Variants in FAM47E observed in about 807,000 individuals in gnomAD.
The protein encoded by FAM47E is protein FAM47E.
Under a neutral mutation model 41.6 loss-of-function variants are expected in FAM47E, and 32 were observed. That is an observed-to-expected ratio of 0.77 (90% CI 0.58 to 1.03). The LOEUF is 1.03. FAM47E is among the 50% of genes least tolerant of loss of function. The pLI is 0.00. For missense variants in FAM47E, 424 were observed against 485.4 expected, an observed-to-expected ratio of 0.87 and a Z score of 1.19; for synonymous variants, 184 against 188.7, an observed-to-expected ratio of 0.98 and a Z score of 0.20.
intron 2 of FAM47E, among the ~76,000 whole-genome samples, chr4:76,220,985 C>T (rs1733296425): frequency 6.6e-6 from 1 of 152,070 alleles, no homozygotes; most frequent in Non-Finnish European, 1.5e-5. Flanking sequence ...TCTTTATTTC[C>T]CCATGGGAAA....
intron 7 of FAM47E, chr4:76,281,459 G>A (rs1735341009): frequency 6.6e-6 from 1 of 151,102 alleles, no homozygotes; most frequent in Admixed American, 6.6e-5. Context: ...TATAAGGTTT[G>A]CATAACTATA....
intron 6 of FAM47E, 135 bp from the exon 7 acceptor site, chr4:76,280,129 C>G (rs1735284716): frequency 3.4e-6 from 2 of 591,868 alleles, no homozygotes. Flanking sequence ...GAACATTACA[C>G]ACATATTCAA....
chr4:76,276,070 C>CACACACACACACACACA (rs1452874811), intron 5 of FAM47E, among the ~76,000 whole-genome samples: 5 of 143,104 alleles, frequency 3.5e-5, no homozygotes, highest in Non-Finnish European at 4.6e-5. Flanking sequence ...ACACACACAC[C>CACACACACACACACACA]CCTCCCCTAC....
At chr4:76,242,283 T>C (rs976097820) in intron 2 of FAM47E, among the ~76,000 whole-genome samples, 1 of 152,126 alleles carries the variant, frequency 6.6e-6, no homozygotes, top group Non-Finnish European at 1.5e-5. Flanking sequence ...GTGAGTGAGT[T>C]CTCGCAAGTT....
chr4:76,271,899 T>C (rs1161487583), intron 5 of FAM47E, 131 bp downstream of exon 5: 1 of 1,039,998 alleles, frequency 9.6e-7, no homozygotes, highest in Non-Finnish European at 1.3e-6. Flanking sequence ...TTTTCATGAT[T>C]AATATTTGTT....
chr4:76,255,439 T>C (rs1309760711), intron 1 of FAM47E, among the ~76,000 whole-genome samples: 2 of 152,190 alleles, frequency 1.3e-5, no homozygotes, highest in Non-Finnish European at 2.9e-5. Context: ...ATGATTCTTA[T>C]TAAAACACAA....
At chr4:76,222,840 G>A (rs1484047518) in intron 2 of FAM47E, among the ~76,000 whole-genome samples, 6 of 152,198 alleles carry the variant, frequency 3.9e-5, no homozygotes, top group Non-Finnish European at 7.3e-5. Flanking sequence ...CTACCATGGA[G>A]GACTAGTAAG....
chr4:76,243,716 G>A (rs1733760347), intron 2 of FAM47E, among the ~76,000 whole-genome samples: 1 of 151,866 alleles, frequency 6.6e-6, no homozygotes, highest in South Asian at 2.1e-4. Context: ...ATGTTTTTTT[G>A]TTTTAAGTAT....
intron 2 of FAM47E, among the ~76,000 whole-genome samples, chr4:76,224,400 G>A (rs576878241): frequency 6.6e-6 from 1 of 152,252 alleles, no homozygotes; most frequent in East Asian, 1.9e-4. Flanking sequence ...GAGAGGAGGG[G>A]CTGTCTTTCT....
At chr4:76,234,811 A>G (rs1252557948) in intron 2 of FAM47E, among the ~76,000 whole-genome samples, 1 of 152,170 alleles carries the variant, frequency 6.6e-6, no homozygotes, top group Non-Finnish European at 1.5e-5. Flanking sequence ...TACTCAAGAC[A>G]CCCAGGTGGG....
chr4:76,269,075 G>T (rs546942108), intron 4 of FAM47E: 3 of 307,854 alleles, frequency 9.7e-6, no homozygotes, highest in Non-Finnish European at 1.2e-5. Context: ...TTATTGTTAG[G>T]ACTTTCTTTT....
At chr4:76,263,114 C>T (rs1166986169) in intron 2 of FAM47E, among the ~76,000 whole-genome samples, 1 of 151,972 alleles carries the variant, frequency 6.6e-6, no homozygotes, top group African/African-American at 2.4e-5. Context: ...GGTTGTACAT[C>T]ACTGTGTTTC....
chr4:76,264,223 G>A (rs771102159), intron 3 of FAM47E, among the ~76,000 whole-genome samples: 2 of 151,982 alleles, frequency 1.3e-5, no homozygotes, highest in Non-Finnish European at 2.9e-5. Flanking sequence ...ATCATCCTTT[G>A]TGCCCCAAGA....
At chr4:76,270,796 C>T (rs2110019192) in intron 4 of FAM47E, among the ~76,000 whole-genome samples, 1 of 152,246 alleles carries the variant, frequency 6.6e-6, no homozygotes, top group Middle Eastern at 3.4e-3. Flanking sequence ...ACAGCACTAG[C>T]TTGTGCTTTT....
At chr4:76,226,512 G>A (rs1195631823) in intron 2 of FAM47E, among the ~76,000 whole-genome samples, 1 of 152,192 alleles carries the variant, frequency 6.6e-6, no homozygotes. Flanking sequence ...GCCACAAGGG[G>A]TTTTATGCCC....
chr4:76,228,706 G>C (rs1283778971), intron 2 of FAM47E, among the ~76,000 whole-genome samples: 2 of 151,438 alleles, frequency 1.3e-5, no homozygotes, highest in Non-Finnish European at 3.0e-5. Flanking sequence ...TAGAGATTCT[G>C]TTGAGAAACC....
intron 2 of FAM47E, among the ~76,000 whole-genome samples, chr4:76,220,099 C>G (rs1228961516): frequency 6.6e-6 from 1 of 152,114 alleles, no homozygotes; most frequent in Non-Finnish European, 1.5e-5. Context: ...AGATGCAAAT[C>G]ACAGTTCTTT....
chr4:76,237,398 G>C (rs1293475601), intron 2 of FAM47E, among the ~76,000 whole-genome samples: 1 of 149,166 alleles, frequency 6.7e-6, no homozygotes, highest in Non-Finnish European at 1.5e-5. Context: ...GGTTTACAAG[G>C]TAAAAGTTGG....
upstream of FAM47E, among the ~76,000 whole-genome samples, chr4:76,249,404 T>G (rs979452100): frequency 1.3e-5 from 2 of 152,162 alleles, no homozygotes; most frequent in Non-Finnish European, 2.9e-5. Flanking sequence ...TTAAAAGGAT[T>G]ATTGCAGCTG....
Sources: gnomAD v4.1 joint callset for allele counts (sites outside exome capture counted in the v4.1 genomes callset) on GRCh38, gnomAD v4.1.1 for gene constraint, MANE v1.5 for transcripts, NCBI Gene and HGNC (gene_info 2026-07-23, HGNC 2026-07-21) for gene names.